ACTR3C: variants seen among roughly 807,000 people sequenced by gnomAD.
ACTR3C encodes the protein actin-related protein 3C.
ACTR3C carries 18 observed loss-of-function variants against 26.3 expected under a neutral mutation model. The observed-to-expected ratio is 0.68, with a 90% confidence interval of 0.47 to 1.01. The LOEUF (loss-of-function observed/expected upper bound fraction) is 1.01, where lower values mean the gene tolerates loss of function less well. Ranked by LOEUF, ACTR3C falls within the 50% of genes least tolerant of loss-of-function variation. ACTR3C has a pLI of 0.00. For missense variants in ACTR3C, 184 were observed against 250.7 expected (o/e 0.73, Z 1.80); for synonymous variants, 55 against 94.5 (o/e 0.58, Z 2.42).
At chr7:150,210,735 G>C in the ACTR3C span, among the ~76,000 whole-genome samples, 1 of 149,820 alleles carries the variant, frequency 6.7e-6, no homozygotes, top group South Asian at 2.1e-4. Flanking sequence ...AAAGGTAGTG[G>C]AATTGTTAGG....
chr7:150,300,078 C>T (rs1795304818), intron 1 of ACTR3C, among the ~76,000 whole-genome samples: 1 of 152,018 alleles, frequency 6.6e-6, no homozygotes, highest in South Asian at 2.1e-4. Context: ...GCTAGCCGGG[C>T]GCAATGGCTC....
At chr7:150,028,369 T>C in the ACTR3C span, among the ~76,000 whole-genome samples, 519 of 152,102 alleles carry the variant, frequency 3.4e-3, no homozygotes, top group African/African-American at 0.012. Context: ...TGTGTCTGTG[T>C]CTGTGTCTGT....
chr7:149,918,712 A>T, the ACTR3C span, among the ~76,000 whole-genome samples: 8 of 152,366 alleles, frequency 5.3e-5, no homozygotes, highest in Admixed American at 4.6e-4. Context: ...ACAACAAAAA[A>T]TTTAAAGCAA....
At chr7:150,157,131 C>T in the ACTR3C span, among the ~76,000 whole-genome samples, 1 of 134,798 alleles carries the variant, frequency 7.4e-6, no homozygotes, top group Admixed American at 7.5e-5. Flanking sequence ...GTCATGCAAA[C>T]TTGCTTTTAT....
chr7:150,125,729 C>T, the ACTR3C span, among the ~76,000 whole-genome samples: 260 of 152,074 alleles, frequency 1.7e-3, 4 homozygotes, highest in South Asian at 0.024. Flanking sequence ...CCTACTGCTC[C>T]GGCTGGTACG....
the ACTR3C span, among the ~76,000 whole-genome samples, chr7:149,883,578 G>A: frequency 6.6e-6 from 1 of 152,302 alleles, no homozygotes; most frequent in Non-Finnish European, 1.5e-5. Flanking sequence ...CACACAAAGA[G>A]TATGGCCAAC....
chr7:150,232,431 T>C, the ACTR3C span, among the ~76,000 whole-genome samples: 5 of 152,034 alleles, frequency 3.3e-5, no homozygotes, highest in African/African-American at 9.7e-5. Flanking sequence ...ATTTGTTCTT[T>C]ATTTTTTACT....
the ACTR3C span, among the ~76,000 whole-genome samples, chr7:150,116,377 G>A: frequency 6.6e-6 from 1 of 152,204 alleles, no homozygotes; most frequent in Non-Finnish European, 1.5e-5. Flanking sequence ...AGTTTGTCAA[G>A]TCTCTTCTTC....
the ACTR3C span, among the ~76,000 whole-genome samples, chr7:150,056,598 A>G: frequency 1.3e-5 from 2 of 152,182 alleles, no homozygotes; most frequent in Admixed American, 6.5e-5. Flanking sequence ...CACGAGTCAC[A>G]TGAGCCTGCA....
chr7:150,278,060 A>G (rs372152070), intron 6 of ACTR3C, among the ~76,000 whole-genome samples: 40 of 152,216 alleles, frequency 2.6e-4, no homozygotes, highest in Middle Eastern at 3.4e-3. Flanking sequence ...GGCCCCAAGC[A>G]CATCCCAGGC....
chr7:150,173,834 C>G, the ACTR3C span, among the ~76,000 whole-genome samples: 1 of 149,090 alleles, frequency 6.7e-6, no homozygotes, highest in Non-Finnish European at 1.5e-5. Flanking sequence ...TTCAAAGTTC[C>G]ACAAATCCCT....
chr7:149,929,382 T>A, the ACTR3C span, among the ~76,000 whole-genome samples: 1 of 130,074 alleles, frequency 7.7e-6, no homozygotes, highest in East Asian at 2.3e-4. Context: ...GAGCAGAGAT[T>A]GTGCCACTGC....
chr7:150,070,895 T>C, the ACTR3C span, among the ~76,000 whole-genome samples: 250 of 149,880 alleles, frequency 1.7e-3, 5 homozygotes, highest in African/African-American at 5.8e-3. Flanking sequence ...CCCGGGTTCA[T>C]GCCATTCTCC....
the ACTR3C span, among the ~76,000 whole-genome samples, chr7:150,098,045 T>C: frequency 1.3e-5 from 2 of 151,482 alleles, no homozygotes; most frequent in Non-Finnish European, 2.9e-5. Context: ...GTTTTCACTT[T>C]GTGATCCAAC....
At chr7:150,002,845 T>A in the ACTR3C span, 1 of 152,146 alleles carries the variant, frequency 6.6e-6, no homozygotes, top group Non-Finnish European at 1.5e-5. Flanking sequence ...GAAACACCCT[T>A]GGCCCAAACA....
At chr7:149,885,619 G>A in the ACTR3C span, among the ~76,000 whole-genome samples, 1 of 152,254 alleles carries the variant, frequency 6.6e-6, no homozygotes, top group Non-Finnish European at 1.5e-5. Context: ...GGCCATGATA[G>A]CAGCAAGGGT....
the ACTR3C span, among the ~76,000 whole-genome samples, chr7:149,979,923 C>T: frequency 1.4e-5 from 2 of 144,118 alleles, no homozygotes; most frequent in Non-Finnish European, 2.9e-5. Context: ...GTGCCCCTCC[C>T]GTGACCAGAA....
At chr7:149,885,596 C>G in the ACTR3C span, among the ~76,000 whole-genome samples, 1 of 152,264 alleles carries the variant, frequency 6.6e-6, no homozygotes, top group African/African-American at 2.4e-5. Context: ...GGCTCCCTAA[C>G]CTCAGGATTA....
chr7:150,141,727 C>T, the ACTR3C span, among the ~76,000 whole-genome samples: 2 of 152,092 alleles, frequency 1.3e-5, no homozygotes, highest in African/African-American at 2.4e-5. Flanking sequence ...ATCCCCTCAA[C>T]GGCGTGCTCT....
Sources: allele counts gnomAD v4.1 joint callset (sites outside exome capture counted in the v4.1 genomes callset), GRCh38; gene constraint gnomAD v4.1.1; transcripts MANE v1.5; gene names NCBI Gene and HGNC (gene_info 2026-07-23, HGNC 2026-07-21).